MTR: variants seen among roughly 807,000 people sequenced by gnomAD.
MTR encodes 5-methyltetrahydrofolate-homocysteine methyltransferase.
A neutral mutation model predicts 154.8 loss-of-function variants in MTR; 84 were observed. The ratio of observed to expected loss-of-function variants is 0.54; its 90% CI spans 0.45 to 0.65. MTR has a LOEUF of 0.65. Ranked by LOEUF, MTR falls within the 30% of genes least tolerant of loss-of-function variation. The probability of loss-of-function intolerance (pLI) is 0.00; values close to 1 mark genes in which losing one functional copy is unlikely to be tolerated. For synonymous variants in MTR, 554 were observed against 553.9 expected, an observed-to-expected ratio of 1.00 and a Z score of 0.00; for missense variants, 1,275 against 1,570.2, an observed-to-expected ratio of 0.81 and a Z score of 3.18.
At position 236,861,139 on chromosome 1, in the gene MTR, T is replaced by C. The variant is rs1359960044; in HGVS notation, c.2058T>C (p.His686=). The C allele has an allele frequency of 1.3e-6, 2 of 1,563,240 alleles. No individual in the cohort carries two copies. Among genetic ancestry groups the C allele is most frequent in the East Asian group, 2.3e-5 (1 of 44,274 alleles). ...EYALVKGIEK[H]IIEDTEEARL... ...GTCTTTTTTAGGGCATTGAAAAACA[T>C]ATTATTGAGGATACTGAGGAAGCCA... Residue 686 remains histidine (H), a synonymous_variant, in exon 20 of 33, where the codon CAT becomes CAC. Coordinates refer to ENST00000366577, the MANE Select transcript of MTR (RefSeq NM_000254.3).
chr1:236,897,310 G>GCGCGCGCGCACGCGCGCGCACACA lies in MTR; in HGVS notation c.3711+193_3711+194insGCGCGCGCACGCGCGCGCACACAC. On this transcript the variant is annotated intron_variant, in intron 32 of 32. Coordinates refer to ENST00000366577, the MANE Select transcript of MTR (RefSeq NM_000254.3). ...ACTTCTACATGCAAGCCACACACAC[G>GCGCGCGCGCACGCGCGCGCACACA]CACACACACACACACACACACACAC... Among the ~76,000 whole-genome samples, 151 of 128,674 alleles carry GCGCGCGCGCACGCGCGCGCACACA rather than the reference G, an allele frequency of 1.2e-3. 1 individual carries two copies. Among genetic ancestry groups the GCGCGCGCGCACGCGCGCGCACACA allele is most frequent in the Non-Finnish European group, 1.9e-3 (108 of 58,150 alleles). 84.4% of individuals were successfully genotyped at this position (128,674 alleles called of 152,430 possible). A position where few individuals can be genotyped will look rare whatever the true frequency, so the allele number is the denominator to read the frequency against.
chr1:236,795,917 C>G (rs1009940643), intron 1 of MTR, among the ~76,000 whole-genome samples, 180 bp downstream of exon 1: 2 of 152,246 alleles, frequency 1.3e-5, no homozygotes, highest in African/African-American at 2.4e-5. Flanking sequence ...TTGCTCCACT[C>G]TTTGTCCGAC....
Position 236,868,565 on chromosome 1 carries a change from A to G in MTR, c.2405+5011A>G, listed in dbSNP as rs563103017. The stretch of plus-strand genomic sequence containing the variant: ...TTAATTCCATTGAGGTTAATTTTAC[A>G]TATACTCTGTAATAGTAACTAGGAA... On this transcript the variant is annotated intron_variant, in intron 22 of 32. Transcript: ENST00000366577. Among the ~76,000 whole-genome samples the G allele has an allele frequency of 3.3e-5, 5 of 152,212 alleles. No homozygotes were observed. The South Asian group carries it at 6.2e-4, about 19-fold the overall frequency.
intron 22 of MTR, among the ~76,000 whole-genome samples, chr1:236,872,383 T>G (rs546500138): frequency 1.3e-5 from 2 of 152,262 alleles, no homozygotes; most frequent in African/African-American, 4.8e-5. Context: ...TGAATCACTC[T>G]CCCTCTTTTT....
At chr1:236,872,310 G>A (rs1665179247) in intron 22 of MTR, among the ~76,000 whole-genome samples, 1 of 152,054 alleles carries the variant, frequency 6.6e-6, no homozygotes, top group Non-Finnish European at 1.5e-5. Flanking sequence ...GTTCTCCTGT[G>A]TGCCCATCTA....
intron 1 of MTR, chr1:236,800,229 A>G (rs1323826731): frequency 1.0e-6 from 1 of 985,328 alleles, no homozygotes; most frequent in African/African-American, 1.7e-5. Context: ...ATTGATATTG[A>G]TTAATCATTT....
intron 31 of MTR, 34 bp from the exon 32 acceptor site, chr1:236,896,972 T>G (rs1388834089): frequency 6.7e-7 from 1 of 1,491,526 alleles, no homozygotes; most frequent in Admixed American, 1.7e-5. Context: ...AGACACTGAG[T>G]CCATAAGCAT....
intron 22 of MTR, among the ~76,000 whole-genome samples, chr1:236,872,966 C>CA (rs1665224391): frequency 6.6e-6 from 1 of 152,214 alleles, no homozygotes; most frequent in African/African-American, 2.4e-5. Flanking sequence ...GCCTGGGTGA[C>CA]AGAATGAGAC....
rs921608322 is a variant in MTR at position 236,835,119 on chromosome 1, T to A, written c.1189-428T>A. Among the ~76,000 whole-genome samples the A allele has an allele frequency of 2.6e-5, 4 of 151,898 alleles. 1 individual carries two copies. The highest frequency in any genetic ancestry group is 6.6e-5 in the Admixed American group (1 of 15,244). ...TGGAGGAGATGGGGCTTGAGCTGGG[T>A]CTTAAACAATGTGGAAGGGAAAGGG... On this transcript the variant is annotated intron_variant, in intron 13 of 32. Coordinates refer to ENST00000366577, the MANE Select transcript of MTR (RefSeq NM_000254.3).
intron 22 of MTR, among the ~76,000 whole-genome samples, chr1:236,867,564 A>C (rs576015453): frequency 1.3e-5 from 2 of 152,208 alleles, no homozygotes; most frequent in Non-Finnish European, 2.9e-5. Context: ...ACATTTTGTA[A>C]GGCTGTAGCT....
At chr1:236,808,340 C>T (rs1416597777) in intron 3 of MTR, among the ~76,000 whole-genome samples, 4 of 152,170 alleles carry the variant, frequency 2.6e-5, no homozygotes, top group Non-Finnish European at 5.9e-5. Flanking sequence ...GTGCTTGAAC[C>T]TGCGTGTTTT....
Position 236,861,114 on chromosome 1 carries a change from G to GGGCATTTAAAAACATATTTT in MTR, c.2044-11_2044-10insGGCATTTAAAAACATATTTT. 1 of 541,858 alleles carries GGGCATTTAAAAACATATTTT rather than the reference G, an allele frequency of 1.8e-6. No homozygotes were observed. Among genetic ancestry groups the GGGCATTTAAAAACATATTTT allele is most frequent in the African/African-American group, 4.2e-5 (1 of 23,764 alleles). The allele number at this position is 541,858 out of a possible 1,614,324, so 33.6% of individuals were successfully genotyped here. ...TTCTTTTTCTTTTTTTTTTTTTTTT[G>GGGCATTTAAAAACATATTTT]TCTTTTTTAGGGCATTGAAAAACAT... On this transcript the variant is annotated splice_polypyrimidine_tract_variant and intron_variant, in intron 19 of 32. Coordinates refer to ENST00000366577, the MANE Select transcript of MTR (RefSeq NM_000254.3).
chr1:236,800,457 G>A (rs1012118172), intron 1 of MTR: 1 of 985,424 alleles, frequency 1.0e-6, no homozygotes. Flanking sequence ...TGAGAAGAAA[G>A]CGATTCAGCT....
In MTR at chr1:236,901,037, A is replaced by T. The variant is rs1666894333; in HGVS notation, c.*3393A>T. ...TGCAGTGCGATGGGATCATCTATGG[A>T]GCATATGAGGAGAAGAGAATCTGGA... is the stretch of plus-strand genomic sequence containing the variant. On this transcript the variant is annotated 3_prime_UTR_variant, in exon 33 of 33. Coordinates refer to ENST00000366577, the MANE Select transcript of MTR (RefSeq NM_000254.3). 6.5e-6 allele frequency: 1 copy of T among 153,098 alleles called. No individual in the cohort carries two copies. The highest frequency in any genetic ancestry group is 6.6e-5 in the Admixed American group (1 of 15,266). The allele number at this position is 153,098 out of a possible 1,614,324, so 9.5% of individuals were successfully genotyped here.
intron 6 of MTR, among the ~76,000 whole-genome samples, 187 bp from the exon 7 acceptor site, chr1:236,815,417 G>A (rs1661529967): frequency 6.6e-6 from 1 of 152,170 alleles, no homozygotes; most frequent in South Asian, 2.1e-4. Flanking sequence ...GTTTCAATAT[G>A]CACAGTATTA....
At chr1:236,880,634 C>T (rs1665679430) in intron 24 of MTR, 121 bp from the exon 25 acceptor site, 1 of 838,696 alleles carries the variant, frequency 1.2e-6, no homozygotes, top group African/African-American at 1.7e-5. Flanking sequence ...TAGGTAAGCA[C>T]CTTGAAATGT....
rs1195533426 is a variant in MTR at position 236,899,165 on chromosome 1, C to G, written c.*1521C>G. ...TTTAATACCATTTTCAATGGAAATT[C>G]CAACAGATTTTATTGAATGAAACAA... On this transcript the variant is annotated 3_prime_UTR_variant, in exon 33 of 33. Coordinates refer to ENST00000366577, the MANE Select transcript of MTR (RefSeq NM_000254.3). 1 of 152,094 alleles carries G rather than the reference C, an allele frequency of 6.6e-6. No individual in the cohort carries two copies. The highest frequency in any genetic ancestry group is 1.5e-5 in the Non-Finnish European group (1 of 68,022). 9.4% of individuals were successfully genotyped at this position (152,094 alleles called of 1,614,324 possible). A position where few individuals can be genotyped will look rare whatever the true frequency, so the allele number is the denominator to read the frequency against.
At chr1:236,795,286 G>A, upstream of MTR, 1 of 1,202,046 alleles carries the variant, frequency 8.3e-7, no homozygotes, top group South Asian at 1.5e-5. Context: ...AGGATAGATT[G>A]AGCGCAGAAC....
chr1:236,844,822 T>C (rs999920033), intron 15 of MTR, among the ~76,000 whole-genome samples: 1 of 152,206 alleles, frequency 6.6e-6, no homozygotes. Flanking sequence ...TGGAATGTTG[T>C]GCCTTAGGGA....
Sources: allele counts gnomAD v4.1 joint callset (sites outside exome capture counted in the v4.1 genomes callset), GRCh38; gene constraint gnomAD v4.1.1; transcripts MANE v1.5; gene names NCBI Gene and HGNC (gene_info 2026-07-23, HGNC 2026-07-21).